GNAI1: variants seen among roughly 807,000 people sequenced by gnomAD.
GNAI1 encodes G protein subunit alpha i1, also known as guanine nucleotide-binding protein G(i) subunit alpha-1.
A neutral mutation model predicts 38.9 loss-of-function variants in GNAI1; 11 were observed. The ratio of observed to expected loss-of-function variants is 0.28; its 90% CI spans 0.18 to 0.47. The LOEUF is 0.47. GNAI1 is among the 20% of genes least tolerant of loss of function. The pLI is 0.99. For missense variants in GNAI1, 317 were observed against 436.9 expected (o/e 0.73, Z 2.45); for synonymous variants, 166 against 145.1 (o/e 1.14, Z -1.04).
chr7:80,170,694 A>G (rs1347001560), intron 1 of GNAI1, among the ~76,000 whole-genome samples: 2 of 152,074 alleles, frequency 1.3e-5, no homozygotes, highest in Non-Finnish European at 2.9e-5. Flanking sequence ...AAGAAACCAG[A>G]TCTCAGATAA....
chr7:80,143,233 A>G (rs1787557277), intron 1 of GNAI1, among the ~76,000 whole-genome samples: 1 of 152,212 alleles, frequency 6.6e-6, no homozygotes, highest in Admixed American at 6.5e-5. Flanking sequence ...GGGGAAATAC[A>G]ATATATACAT....
Position 80,167,476 on chromosome 7 carries a change from G to A in GNAI1, c.119-21475G>A, listed in dbSNP as rs184894290. 6.8e-4 allele frequency among the ~76,000 whole-genome samples: 103 copies of A among 152,264 alleles called. 1 individual carries two copies. Among genetic ancestry groups the A allele is most frequent in the Non-Finnish European group, 1.2e-3 (83 of 68,018 alleles). On this transcript the variant is annotated intron_variant, in intron 1 of 7. Coordinates refer to ENST00000649796, the MANE Select transcript of GNAI1 (RefSeq NM_002069.6). ...CCTGCCAGACCCGATGCTCACTTTT[G>A]TAATATAATTTTAATGCCCCCTATA...
chr7:80,213,220 A>G (rs983487101), intron 7 of GNAI1, among the ~76,000 whole-genome samples: 3 of 152,196 alleles, frequency 2.0e-5, no homozygotes, highest in Non-Finnish European at 4.4e-5. Flanking sequence ...AAAGACAGAC[A>G]TACTTAAACA....
chr7:80,150,807 C>G (rs1379146838), intron 1 of GNAI1, among the ~76,000 whole-genome samples: 3 of 152,108 alleles, frequency 2.0e-5, no homozygotes, highest in African/African-American at 7.2e-5. Context: ...GGTTATTTCC[C>G]AAGCCTTATT....
intron 5 of GNAI1, among the ~76,000 whole-genome samples, chr7:80,206,032 A>G (rs1377954956): frequency 6.6e-6 from 1 of 152,102 alleles, no homozygotes. Flanking sequence ...AGTTCATCTC[A>G]TAAAGAAGTC....
At chr7:80,216,828 T>C (rs1184843314) in intron 7 of GNAI1, among the ~76,000 whole-genome samples, 1 of 152,118 alleles carries the variant, frequency 6.6e-6, no homozygotes, top group Non-Finnish European at 1.5e-5. Context: ...TTGGTACAAT[T>C]TTTGAATAAA....
intron 7 of GNAI1, 75 bp from the exon 8 acceptor site, chr7:80,217,228 A>G (rs1788987662): frequency 1.0e-6 from 1 of 988,064 alleles, no homozygotes; most frequent in Admixed American, 2.6e-5. Context: ...TTTCATATGT[A>G]TGAAACTGAA....
At chr7:80,178,853 C>T (rs1194860614) in intron 1 of GNAI1, among the ~76,000 whole-genome samples, 1 of 152,152 alleles carries the variant, frequency 6.6e-6, no homozygotes, top group Non-Finnish European at 1.5e-5. Flanking sequence ...AGATTCTACA[C>T]TGTAATCAAA....
At chr7:80,147,812 A>C (rs895728593) in intron 1 of GNAI1, among the ~76,000 whole-genome samples, 2 of 152,174 alleles carry the variant, frequency 1.3e-5, no homozygotes, top group African/African-American at 2.4e-5. Context: ...CTTTCATCAT[A>C]ATATCATTTG....
chr7:80,139,989 T>TC (rs1428451743), intron 1 of GNAI1, among the ~76,000 whole-genome samples: 2 of 148,840 alleles, frequency 1.3e-5, no homozygotes, highest in Non-Finnish European at 3.0e-5. Flanking sequence ...TTTTTTTTTT[T>TC]TTTTCCTTTT....
At position 80,221,459 on chromosome 7, in the gene GNAI1, A is replaced by T. The variant is rs1233187503; in HGVS notation, c.*3966A>T. Among the ~76,000 whole-genome samples the T allele has an allele frequency of 6.6e-6, 1 of 152,078 alleles. No homozygotes were observed. Among genetic ancestry groups the T allele is most frequent in the Non-Finnish European group, 1.5e-5 (1 of 68,006 alleles). On this transcript the variant is annotated 3_prime_UTR_variant, in exon 8 of 8. Transcript: ENST00000649796. ...GGTTGTTGATACGTGCTTTGAATGA[A>T]ATGCCTCAAAAACAAAACTCTCATA...
intron 1 of GNAI1, among the ~76,000 whole-genome samples, chr7:80,153,052 A>AT (rs912096157): frequency 1.3e-5 from 2 of 152,172 alleles, no homozygotes; most frequent in African/African-American, 4.8e-5. Flanking sequence ...TTTTAGAAAG[A>AT]TTTTTTTAAC....
At chr7:80,213,167 A>T (rs561494543) in intron 7 of GNAI1, among the ~76,000 whole-genome samples, 97 of 152,326 alleles carry the variant, frequency 6.4e-4, no homozygotes, top group African/African-American at 2.0e-3. Context: ...GTACTGTGTG[A>T]TGTACAATAA....
At position 80,221,155 on chromosome 7, in the gene GNAI1, G is replaced by A. The variant is rs1424666899; in HGVS notation, c.*3662G>A. Among the ~76,000 whole-genome samples the A allele has an allele frequency of 2.0e-5, 3 of 152,122 alleles. No individual in the cohort carries two copies. The highest frequency in any genetic ancestry group is 4.4e-5 in the Non-Finnish European group (3 of 68,024). ...TGAAAATCCTAGGCTCTGGCACCCC[G>A]TCTGGCTTCAAATCCTGGCTCAATT... On this transcript the variant is annotated 3_prime_UTR_variant, in exon 8 of 8. Transcript: ENST00000649796.
intron 1 of GNAI1, chr7:80,135,766 A>G (rs1787402998): frequency 1.0e-6 from 1 of 981,610 alleles, no homozygotes; most frequent in Non-Finnish European, 1.2e-6. Flanking sequence ...AAATCAGTGC[A>G]CCTTTTGTGG....
At chr7:80,158,904 TATC>T (rs1787866120) in intron 1 of GNAI1, among the ~76,000 whole-genome samples, 1 of 152,186 alleles carries the variant, frequency 6.6e-6, no homozygotes, top group Non-Finnish European at 1.5e-5. Flanking sequence ...CAGGAACTCT[TATC>T]ATTTTCCTCT....
chr7:80,144,733 C>A (rs971048050), intron 1 of GNAI1, among the ~76,000 whole-genome samples: 4 of 152,122 alleles, frequency 2.6e-5, no homozygotes, highest in African/African-American at 4.8e-5. Context: ...AGTAAACTTA[C>A]AGTTATAATC....
At chr7:80,157,244 A>G (rs1275794706) in intron 1 of GNAI1, among the ~76,000 whole-genome samples, 2 of 152,148 alleles carry the variant, frequency 1.3e-5, no homozygotes, top group East Asian at 1.9e-4. Context: ...TTTTCACTTA[A>G]TAATATGCAC....
At chr7:80,194,508 C>T (rs1788535510) in intron 3 of GNAI1, among the ~76,000 whole-genome samples, 1 of 152,074 alleles carries the variant, frequency 6.6e-6, no homozygotes, top group African/African-American at 2.4e-5. Context: ...GTAGAACATC[C>T]TCTCTCAACA....
Sources: allele counts gnomAD v4.1 joint callset (sites outside exome capture counted in the v4.1 genomes callset), GRCh38; gene constraint gnomAD v4.1.1; transcripts MANE v1.5; gene names NCBI Gene and HGNC (gene_info 2026-07-23, HGNC 2026-07-21).